CCDC88C: variants seen among roughly 807,000 people sequenced by gnomAD.
CCDC88C encodes the protein protein Daple.
Under a neutral mutation model 198.8 loss-of-function variants are expected in CCDC88C, and 131 were observed. That is an observed-to-expected ratio of 0.66 (90% CI 0.57 to 0.76). The LOEUF is 0.76. Ranked by LOEUF, CCDC88C falls within the 30% of genes least tolerant of loss-of-function variation. The pLI is 0.00. For missense variants in CCDC88C, 2,553 were observed against 2,631.6 expected (o/e 0.97, Z 0.65); for synonymous variants, 1,166 against 1,114.7 (o/e 1.05, Z -0.92).
At position 91,324,779 on chromosome 14, in the gene CCDC88C, C is replaced by T. The variant is rs756303627; in HGVS notation, c.1342G>A (p.Ala448Thr). The change falls in exon 12 of 30, where the codon GCC becomes ACC. Residue 448 changes from alanine (A) to threonine (T), a missense_variant and splice_region_variant. Physicochemically the swap from Ala to Thr is moderately conservative, Grantham distance 58. Transcript: ENST00000389857. ...QLSKNADLSDASRKSFVFELN... is the reference protein window; with the variant it reads ...QLSKNADLSDTSRKSFVFELN... ...CTCCCCGGCACCAGGCGCTACCTAC[C>T]GTCTGACAAGTCTGCGTTCTTGGAC... 9.9e-6 allele frequency: 16 copies of T among 1,610,336 alleles called. No homozygotes were observed. Among genetic ancestry groups the T allele is most frequent in the Non-Finnish European group, 1.4e-5 (16 of 1,179,880 alleles).
At chr14:91,291,864 C>T (rs967242737) in intron 23 of CCDC88C, among the ~76,000 whole-genome samples, 1 of 152,180 alleles carries the variant, frequency 6.6e-6, no homozygotes, top group Non-Finnish European at 1.5e-5. Flanking sequence ...CTCTGCTTAC[C>T]GGGGAGACCT....
intron 26 of CCDC88C, among the ~76,000 whole-genome samples, chr14:91,281,963 G>A (rs891886651): frequency 2.6e-5 from 4 of 152,226 alleles, no homozygotes; most frequent in Admixed American, 1.3e-4. Flanking sequence ...TCCTTGAGGG[G>A]AGAGGCTGAA....
At position 91,303,847 on chromosome 14, in the gene CCDC88C, G is replaced by A; in HGVS notation, c.3489C>T (p.Ala1163=). ...LQRQQEQLTA[A]YEALLQDHEH... Reference sequence around the variant, plus strand: ...CGTGGTCCTGCAGCAGGGCCTCGTAGGCCGCTGTAAGTTGCTCCTGCTGCC... The same window carrying A: ...CGTGGTCCTGCAGCAGGGCCTCGTAAGCCGCTGTAAGTTGCTCCTGCTGCC... The change falls in exon 20 of 30, where the codon GCC becomes GCT. Residue 1163 remains alanine, a synonymous_variant. Coordinates refer to ENST00000389857, the MANE Select transcript of CCDC88C (RefSeq NM_001080414.4). 6.2e-7 allele frequency: 1 copy of A among 1,613,270 alleles called. No homozygotes were observed. The highest frequency in any genetic ancestry group is 1.3e-5 in the African/African-American group (1 of 75,078).
At chr14:91,330,922 G>A (rs965349690) in intron 10 of CCDC88C, among the ~76,000 whole-genome samples, 3 of 152,086 alleles carry the variant, frequency 2.0e-5, no homozygotes, top group East Asian at 3.9e-4. Context: ...GAGAAGCAGA[G>A]GGCAAGGGGT....
chr14:91,299,172 AAGATAC>A (rs370099405), intron 21 of CCDC88C, among the ~76,000 whole-genome samples: 2 of 152,338 alleles, frequency 1.3e-5, no homozygotes, highest in African/African-American at 4.8e-5. Context: ...TTTCTGTTTG[AAGATAC>A]CTTATGCAGC....
In CCDC88C at chr14:91,307,240, A is replaced by G. The variant is rs745381099; in HGVS notation, c.3007-14T>C. 1.2e-6 allele frequency: 2 copies of G among 1,611,824 alleles called. No individual in the cohort carries two copies. ...CTCCTTCTTTAGCTACAGGTGTGAC[A>G]ATAAGCAAGGAGGCTTTAGGCGGAA... On this transcript the variant is annotated splice_polypyrimidine_tract_variant and intron_variant, in intron 17 of 29. Transcript: ENST00000389857.
At chr14:91,293,481 C>T (rs1480502272) in intron 23 of CCDC88C, among the ~76,000 whole-genome samples, 3 of 142,606 alleles carry the variant, frequency 2.1e-5, no homozygotes, top group South Asian at 2.2e-4. Flanking sequence ...CCTGCCACAG[C>T]TCACCTTCCC....
At position 91,343,660 on chromosome 14, in the gene CCDC88C, A is replaced by G. The variant is rs1893399164; in HGVS notation, c.341-3T>C. ...CTTGATTTCCTCCATGCTCTTCCCT[A>G]GATCAAGAGAGCAACACATTTAACT... On this transcript the variant is annotated splice_region_variant and splice_polypyrimidine_tract_variant and intron_variant, in intron 4 of 29. Transcript: ENST00000389857. The G allele has an allele frequency of 6.2e-7, 1 of 1,613,520 alleles. No homozygotes were observed. Among genetic ancestry groups the G allele is most frequent in the African/African-American group, 1.3e-5 (1 of 75,016 alleles).
intron 12 of CCDC88C, among the ~76,000 whole-genome samples, chr14:91,324,447 C>T (rs11626393): frequency 0.087 from 13,185 of 152,324 alleles, 803 homozygotes; most frequent in African/African-American, 0.17. Flanking sequence ...TCCTGCCATC[C>T]AGGGCTTTCA....
rs754244609 is a variant in CCDC88C, at chr14:91,313,201, A to G, written c.2615T>C (p.Leu872Pro). ...LSAVEKESRA[L>P]DKELARCRDA... ...CCTGCAGCGGGCCAGCTCCTTGTCC[A>G]GCGCGCGGCTCTCCTTCTCAACGGC... Residue 872 changes from leucine to proline, a missense_variant, in exon 15 of 30, where the codon CTG (leucine) becomes CCG (proline). Physicochemically the swap from Leu to Pro is moderately conservative, Grantham distance 98. Coordinates refer to ENST00000389857, the MANE Select transcript of CCDC88C (RefSeq NM_001080414.4). The surrounding 1 kb of genome is among the most constrained non-coding windows in gnomAD (Gnocchi z 5.2). 11 of 1,613,752 alleles carry G rather than the reference A, an allele frequency of 6.8e-6. No individual in the cohort carries two copies. The highest frequency in any genetic ancestry group is 9.3e-6 in the Non-Finnish European group (11 of 1,179,866).
At position 91,338,110 on chromosome 14, in the gene CCDC88C, C is replaced by T. The variant is rs1746103499; in HGVS notation, c.945G>A (p.Leu315=). 3 of 1,613,974 alleles carry T rather than the reference C, an allele frequency of 1.9e-6. No homozygotes were observed. Among genetic ancestry groups the T allele is most frequent in the Non-Finnish European group, 2.5e-6 (3 of 1,179,904 alleles). Residue 315 remains leucine, a synonymous_variant, in exon 10 of 30, where the codon CTG becomes CTA. Coordinates refer to ENST00000389857, the MANE Select transcript of CCDC88C (RefSeq NM_001080414.4). This position sits in a 1 kb window ranked among gnomAD's most constrained non-coding sequence, Gnocchi z 4.8. ...GGTTCGCCTTCTCCCGCAGGGAATCCAGCTCGTCTCGATAGGCACGAGCAG... is the reference window on the plus strand; with the variant it reads ...GGTTCGCCTTCTCCCGCAGGGAATCTAGCTCGTCTCGATAGGCACGAGCAG... ...ARSARAYRDE[L]DSLREKANRV...
intron 3 of CCDC88C, among the ~76,000 whole-genome samples, chr14:91,370,550 G>T (rs1381148515): frequency 1.3e-5 from 2 of 152,202 alleles, no homozygotes; most frequent in African/African-American, 4.8e-5. Flanking sequence ...GGGGGCGGGG[G>T]GCAGCCCCAG....
At position 91,313,007 on chromosome 14, in the gene CCDC88C, T is replaced by C; in HGVS notation, c.2736+73A>G. On this transcript the variant is annotated intron_variant, in intron 15 of 29. Coordinates refer to ENST00000389857, the MANE Select transcript of CCDC88C (RefSeq NM_001080414.4). This position sits in a 1 kb window ranked among gnomAD's most constrained non-coding sequence, Gnocchi z 5.2. The stretch of plus-strand genomic sequence containing the variant: ...AGGACACAGAGTCTTATTTCTCTCC[T>C]GAAACCATGCACCACAGAACCCACT... 1.7e-6 allele frequency: 2 copies of C among 1,181,326 alleles called. No individual in the cohort carries two copies. Among genetic ancestry groups the C allele is most frequent in the African/African-American group, 1.5e-5 (1 of 65,524 alleles). The allele number at this position is 1,181,326 out of a possible 1,614,324, so 73.2% of individuals were successfully genotyped here.
chr14:91,306,324 C>T (rs777655877), intron 18 of CCDC88C, among the ~76,000 whole-genome samples: 23 of 152,210 alleles, frequency 1.5e-4, no homozygotes, highest in Admixed American at 3.3e-4. Context: ...TAGGCTACAG[C>T]CTTACTCAGA....
At chr14:91,345,651 A>T (rs1341505988) in intron 4 of CCDC88C, among the ~76,000 whole-genome samples, 1 of 152,048 alleles carries the variant, frequency 6.6e-6, no homozygotes, top group Non-Finnish European at 1.5e-5. Context: ...CCTACCCTTG[A>T]TCAACATTTA....
chr14:91,352,808 G>C lies in CCDC88C; in HGVS notation c.340+6834C>G, dbSNP rs910269036. 1.3e-5 allele frequency among the ~76,000 whole-genome samples: 2 copies of C among 152,200 alleles called. No homozygotes were observed. The highest frequency in any genetic ancestry group is 4.8e-5 in the African/African-American group (2 of 41,444). Reference sequence around the variant, plus strand: ...CACGGTGAGCAGGCATGGAGCCAGGGGCAGGACTGGGAGGGCCGCAGGGCC... The same window carrying C: ...CACGGTGAGCAGGCATGGAGCCAGGCGCAGGACTGGGAGGGCCGCAGGGCC... On this transcript the variant is annotated intron_variant, in intron 4 of 29. Transcript: ENST00000389857. This position sits in a 1 kb window ranked among gnomAD's most constrained non-coding sequence, Gnocchi z 4.2.
At chr14:91,370,081 A>T (rs1396570656) in intron 3 of CCDC88C, among the ~76,000 whole-genome samples, 1 of 152,226 alleles carries the variant, frequency 6.6e-6, no homozygotes, top group East Asian at 1.9e-4. Flanking sequence ...AACCGCTGGG[A>T]AGGAGCACCT....
chr14:91,405,960 T>G (rs1567126565), intron 3 of CCDC88C, among the ~76,000 whole-genome samples: 1 of 152,314 alleles, frequency 6.6e-6, no homozygotes, highest in East Asian at 1.9e-4. Flanking sequence ...GGGCCGAGAC[T>G]GCCAGCGCAC....
intron 2 of CCDC88C, among the ~76,000 whole-genome samples, chr14:91,412,021 G>T (rs768594859): frequency 7.7e-4 from 116 of 151,348 alleles, no homozygotes; most frequent in Admixed American, 6.6e-4. Context: ...TTTAAAAAGA[G>T]TTATAATTTA....
Sources: gnomAD v4.1 joint callset for allele counts (sites outside exome capture counted in the v4.1 genomes callset) on GRCh38, gnomAD v4.1.1 for gene constraint, Gnocchi (gnomAD v3.1) non-coding constraint, MANE v1.5 for transcripts, NCBI Gene and HGNC (gene_info 2026-07-23, HGNC 2026-07-21) for gene names.